The following ZNF536 variants were observed in gnomAD, a reference collection of about 807,000 sequenced individuals.
ZNF536 encodes the protein zinc finger protein 536.
In ZNF536, 13 loss-of-function variants were observed where a neutral mutation model predicts 84.5. That is an observed-to-expected ratio of 0.15 (90% CI 0.10 to 0.24). The LOEUF is 0.24. ZNF536 is among the 10% of genes least tolerant of loss of function. The pLI, the probability that ZNF536 is intolerant of heterozygous loss-of-function variation, is 1.00. For missense variants in ZNF536, 1,536 were observed against 1,747.5 expected, an observed-to-expected ratio of 0.88 and a Z score of 2.16; for synonymous variants, 811 against 742.5, an observed-to-expected ratio of 1.09 and a Z score of -1.50.
chr19:30,242,364 A>G (rs1454935112), intron 1 of ZNF536, among the ~76,000 whole-genome samples: 1 of 151,766 alleles, frequency 6.6e-6, no homozygotes, highest in African/African-American at 2.4e-5. Flanking sequence ...CCGGTCGGCT[A>G]CCCCCAGCTT....
rs562499270 is a variant in ZNF536, at chr19:30,582,637, A to G, written c.169+33123A>G. ...AGACATACCCAAGACTAGGTTATTT[A>G]TAAAGAAAAAGAGGTTTAATGGACT... On this transcript the variant is annotated intron_variant, in intron 1 of 1. Coordinates refer to the ZNF536 transcript ENST00000592773. Among the ~76,000 whole-genome samples the G allele has an allele frequency of 7.9e-5, 12 of 152,190 alleles. No homozygotes were observed. The South Asian group carries it at 8.3e-4, about 11-fold the overall frequency.
intron 1 of ZNF536, among the ~76,000 whole-genome samples, chr19:30,680,524 T>C (rs1036641406): frequency 2.0e-5 from 3 of 151,462 alleles, no homozygotes; most frequent in African/African-American, 7.3e-5. Context: ...GTTCTTGCGA[T>C]AGCTTACTGA....
intron 2 of ZNF536, among the ~76,000 whole-genome samples, chr19:30,486,715 C>A (rs1182964356): frequency 6.6e-6 from 1 of 152,212 alleles, no homozygotes; most frequent in Admixed American, 6.5e-5. Flanking sequence ...GACATTCCCA[C>A]CAATGGTGTA....
At chr19:30,263,105 G>A (rs192414072) in intron 1 of ZNF536, among the ~76,000 whole-genome samples, 87 of 152,258 alleles carry the variant, frequency 5.7e-4, no homozygotes, top group African/African-American at 1.9e-3. Context: ...AGAAGGAGGT[G>A]GGAGGAGGGC....
At position 30,458,447 on chromosome 19, in the gene ZNF536, G is replaced by GTTTTTTTTTTTTTTTTT. The variant is rs3084731; in HGVS notation, c.2170+12722_2170+12738dup. Among the ~76,000 whole-genome samples the GTTTTTTTTTTTTTTTTT allele has an allele frequency of 4.4e-4, 37 of 83,490 alleles. 3 individuals carry two copies. Among genetic ancestry groups the GTTTTTTTTTTTTTTTTT allele is most frequent in the African/African-American group, 2.0e-3 (36 of 17,924 alleles). 54.8% of individuals were successfully genotyped at this position (83,490 alleles called of 152,430 possible). On this transcript the variant is annotated intron_variant, in intron 2 of 4. Coordinates refer to ENST00000355537, the MANE Select transcript of ZNF536 (RefSeq NM_014717.3). ...CCAAGTATTTCCTCAATTTCCTGCT[G>GTTTTTTTTTTTTTTTTT]TTTTTTTTTTTTTTTTTTTTTTTGA...
chr19:30,669,516 G>A (rs879579592), intron 1 of ZNF536, among the ~76,000 whole-genome samples: 1 of 152,194 alleles, frequency 6.6e-6, no homozygotes, highest in African/African-American at 2.4e-5. Context: ...GGCCACTTCC[G>A]CAGGCAGGCG....
intron 1 of ZNF536, among the ~76,000 whole-genome samples, chr19:30,573,664 C>T (rs552378657): frequency 8.5e-5 from 13 of 152,316 alleles, no homozygotes; most frequent in African/African-American, 2.4e-4. Flanking sequence ...CTACACCCAC[C>T]CGGTTTCCTT....
At chr19:30,577,095 C>T (rs895667977) in intron 1 of ZNF536, among the ~76,000 whole-genome samples, 6 of 152,154 alleles carry the variant, frequency 3.9e-5, no homozygotes, top group Non-Finnish European at 7.3e-5. Flanking sequence ...AAGCAAAAGC[C>T]ACCAACTCTT....
intron 1 of ZNF536, among the ~76,000 whole-genome samples, chr19:30,588,075 C>T (rs1194197693): frequency 2.0e-5 from 3 of 152,360 alleles, no homozygotes; most frequent in East Asian, 1.9e-4. Flanking sequence ...CAGAGCAACA[C>T]GTGGCTTCCC....
chr19:30,629,698 C>T (rs2048819319), intron 1 of ZNF536, among the ~76,000 whole-genome samples: 1 of 152,234 alleles, frequency 6.6e-6, no homozygotes, highest in Non-Finnish European at 1.5e-5. Context: ...TCCTCATAGG[C>T]TTTGGCACTG....
Position 30,316,096 on chromosome 19 carries a change from C to T in ZNF536, c.-120+31955C>T, listed in dbSNP as rs76793770. 1.0e-3 allele frequency among the ~76,000 whole-genome samples: 154 copies of T among 152,248 alleles called. 2 individuals are homozygous for T. The East Asian group carries it at 0.022, about 22-fold the overall frequency. Reference sequence around the variant, plus strand: ...AAATGCTGCAGTAAACACTGTATCACGGTAAACAAGTTTGGGTATTTCTGT... The same window carrying T: ...AAATGCTGCAGTAAACACTGTATCATGGTAAACAAGTTTGGGTATTTCTGT... On this transcript the variant is annotated intron_variant, in intron 2 of 5. Coordinates refer to the ZNF536 transcript ENST00000585628.
At chr19:30,590,075 T>C (rs941995897) in intron 1 of ZNF536, among the ~76,000 whole-genome samples, 4 of 152,194 alleles carry the variant, frequency 2.6e-5, no homozygotes, top group Non-Finnish European at 5.9e-5. Context: ...GTGTGATGGC[T>C]GGAGAGAGCT....
chr19:30,317,824 CT>C (rs1361196621), intron 2 of ZNF536, among the ~76,000 whole-genome samples: 1 of 152,238 alleles, frequency 6.6e-6, no homozygotes, highest in Non-Finnish European at 1.5e-5. Flanking sequence ...CTTGTTTTCC[CT>C]CTTCACCACT....
chr19:30,701,078 AT>A (rs1222457951), intron 1 of ZNF536, among the ~76,000 whole-genome samples: 1 of 152,144 alleles, frequency 6.6e-6, no homozygotes, highest in Non-Finnish European at 1.5e-5. Context: ...CAGTAGAGAT[AT>A]TTTGTGATCC....
chr19:30,305,891 G>A (rs887913307), intron 2 of ZNF536, among the ~76,000 whole-genome samples: 1 of 152,222 alleles, frequency 6.6e-6, no homozygotes, highest in Non-Finnish European at 1.5e-5. Flanking sequence ...CGGTCCACCC[G>A]CAGTGTAGAG....
chr19:30,628,781 CTCCA>C (rs1420186243), intron 1 of ZNF536, among the ~76,000 whole-genome samples: 1 of 152,064 alleles, frequency 6.6e-6, no homozygotes, highest in Non-Finnish European at 1.5e-5. Context: ...TCACTGCAAC[CTCCA>C]CCTCCTGGGT....
chr19:30,630,973 C>G (rs765326578), intron 1 of ZNF536, among the ~76,000 whole-genome samples: 2 of 152,164 alleles, frequency 1.3e-5, no homozygotes, highest in Non-Finnish European at 2.9e-5. Context: ...GTCTGCTGGC[C>G]GAGGCTCGCT....
intron 2 of ZNF536, among the ~76,000 whole-genome samples, chr19:30,351,653 A>G (rs1208350725): frequency 6.6e-6 from 1 of 152,196 alleles, no homozygotes; most frequent in Non-Finnish European, 1.5e-5. Flanking sequence ...TATACAAGAA[A>G]CCCCTCAGTG....
At chr19:30,565,480 A>G (rs2046318358) in intron 1 of ZNF536, among the ~76,000 whole-genome samples, 2 of 152,202 alleles carry the variant, frequency 1.3e-5, no homozygotes, top group Admixed American at 1.3e-4. Flanking sequence ...CTGCGTAACC[A>G]GAAACCCTCT....
Sources: allele counts gnomAD v4.1 joint callset (sites outside exome capture counted in the v4.1 genomes callset), GRCh38; gene constraint gnomAD v4.1.1; transcripts MANE v1.5; gene names NCBI Gene and HGNC (gene_info 2026-07-23, HGNC 2026-07-21).